Variants in FABP12 observed in about 807,000 individuals in gnomAD.
FABP12 encodes fatty acid binding protein 12.
A neutral mutation model predicts 13.7 loss-of-function variants in FABP12; 19 were observed. The observed-to-expected ratio is 1.39, with a 90% CI of 0.97 to 2.04. The LOEUF is 2.04. Ranked by LOEUF, FABP12 falls within the 30% of genes most tolerant of loss-of-function variation. The probability of loss-of-function intolerance (pLI) is 0.00; values close to 1 mark genes in which losing one functional copy is unlikely to be tolerated. For missense variants in FABP12, 182 were observed against 164.2 expected, an observed-to-expected ratio of 1.11 and a Z score of -0.59; for synonymous variants, 61 against 57.0, an observed-to-expected ratio of 1.07 and a Z score of -0.32.
chr8:81,547,260 G>A (rs1465047216), intron 1 of FABP12, among the ~76,000 whole-genome samples: 1 of 152,170 alleles, frequency 6.6e-6, no homozygotes, highest in East Asian at 1.9e-4. Flanking sequence ...CGGCAAATGT[G>A]GAGTTCACAC....
upstream of FABP12, among the ~76,000 whole-genome samples, chr8:81,537,156 G>A (rs570232398): frequency 5.3e-5 from 8 of 152,214 alleles, no homozygotes; most frequent in South Asian, 6.2e-4. Context: ...GCCAAACTCC[G>A]GCATTTATAA....
At position 81,527,069 on chromosome 8, in the gene FABP12, C is replaced by T. The variant is rs766991525; in HGVS notation, c.299G>A (p.Gly100Asp). Residue 100 changes from glycine (G) to aspartate (D), a missense_variant, in exon 4 of 5, where the codon GGC becomes GAC. Transcript: ENST00000360464. ...CTTTCTCGTTATGGTGGTTTCTTTG[C>T]CATCCCAGTCCTGAACTTGAATCAG... 1.9e-6 allele frequency: 3 copies of T among 1,612,132 alleles called. No homozygotes were observed. The South Asian group carries it at 3.3e-5, about 18-fold the overall frequency.
intron 1 of FABP12, among the ~76,000 whole-genome samples, chr8:81,551,898 A>C (rs1037872635): frequency 2.6e-5 from 4 of 152,062 alleles, no homozygotes; most frequent in Non-Finnish European, 4.4e-5. Flanking sequence ...TTCATGTATT[A>C]ATCATTCAAT....
At chr8:81,566,246 G>T in intron 1 of FABP12, among the ~76,000 whole-genome samples, 1 of 151,896 alleles carries the variant, frequency 6.6e-6, no homozygotes, top group Non-Finnish European at 1.5e-5. Context: ...ATTTAAAGAA[G>T]AACTAATACC....
At chr8:81,530,984 T>C (rs1241166822) in intron 2 of FABP12, among the ~76,000 whole-genome samples, 1 of 152,216 alleles carries the variant, frequency 6.6e-6, no homozygotes. Context: ...ATAGTTGTAT[T>C]TTTTTGTTTT....
At chr8:81,574,578 T>C (rs1809999029) in intron 1 of FABP12, among the ~76,000 whole-genome samples, 1 of 152,074 alleles carries the variant, frequency 6.6e-6, no homozygotes, top group Admixed American at 6.6e-5. Flanking sequence ...AATCATCTGG[T>C]CCTGGATTTT....
At chr8:81,568,187 C>A (rs950290455) in intron 1 of FABP12, among the ~76,000 whole-genome samples, 24 of 151,176 alleles carry the variant, frequency 1.6e-4, no homozygotes, top group Non-Finnish European at 3.5e-4. Flanking sequence ...AGTGAAGAGG[C>A]AACCCACACA....
At chr8:81,534,111 T>A (rs1025219685), upstream of FABP12, among the ~76,000 whole-genome samples, 1 of 151,774 alleles carries the variant, frequency 6.6e-6, no homozygotes, top group African/African-American at 2.4e-5. Context: ...ATACACACAC[T>A]CTCTCTCTCA....
chr8:81,533,578 C>G (rs1353852000), intron 1 of FABP12, among the ~76,000 whole-genome samples: 1 of 152,118 alleles, frequency 6.6e-6, no homozygotes, highest in African/African-American at 2.4e-5. Context: ...CTTACCAGTT[C>G]CTCAAGTCCC....
At chr8:81,560,119 A>G (rs1809697005) in intron 1 of FABP12, among the ~76,000 whole-genome samples, 1 of 152,188 alleles carries the variant, frequency 6.6e-6, no homozygotes, top group South Asian at 2.1e-4. Context: ...CCTCAGCTAT[A>G]TTTACATATG....
intron 1 of FABP12, among the ~76,000 whole-genome samples, chr8:81,555,843 G>A (rs940671010): frequency 1.3e-5 from 2 of 152,086 alleles, no homozygotes; most frequent in African/African-American, 4.8e-5. Context: ...AGAGAAGAAG[G>A]TTAACTCAAG....
At chr8:81,589,325 G>A (rs78189939) in intron 1 of FABP12, among the ~76,000 whole-genome samples, 1 of 152,080 alleles carries the variant, frequency 6.6e-6, no homozygotes, top group Non-Finnish European at 1.5e-5. Flanking sequence ...GGGAGGCCAA[G>A]GATTAAGGAC....
chr8:81,527,519 C>T (rs531838926), intron 3 of FABP12, among the ~76,000 whole-genome samples: 5 of 152,154 alleles, frequency 3.3e-5, no homozygotes, highest in African/African-American at 4.8e-5. Context: ...CATACCACCA[C>T]GCCCAGCTAA....
chr8:81,542,443 G>T (rs1273093661), intron 1 of FABP12, among the ~76,000 whole-genome samples: 1 of 152,130 alleles, frequency 6.6e-6, no homozygotes, highest in African/African-American at 2.4e-5. Flanking sequence ...GGAACAGGAA[G>T]ACCAGCAGTC....
In FABP12 at chr8:81,555,827, G is replaced by A. The variant is rs576953888; in HGVS notation, c.-184-16084C>T. 1.6e-3 allele frequency among the ~76,000 whole-genome samples: 240 copies of A among 152,184 alleles called. 1 individual carries two copies. The highest frequency in any genetic ancestry group is 6.8e-3 in the Middle Eastern group (2 of 294). On this transcript the variant is annotated intron_variant, in intron 1 of 5. Transcript: ENST00000692030. ...TCAGGAAAATAATTTTATACCTAGAGACACTAGAGAAGAAGGTTAACTCAA... is the reference window on the plus strand; with the variant it reads ...TCAGGAAAATAATTTTATACCTAGAAACACTAGAGAAGAAGGTTAACTCAA...
chr8:81,559,830 T>A (rs894387516), intron 1 of FABP12, among the ~76,000 whole-genome samples: 71 of 152,188 alleles, frequency 4.7e-4, no homozygotes, highest in African/African-American at 1.7e-3. Flanking sequence ...GATGAAGTGA[T>A]CAACCTCTAG....
At chr8:81,574,704 C>A (rs912484470) in intron 1 of FABP12, among the ~76,000 whole-genome samples, 1 of 152,040 alleles carries the variant, frequency 6.6e-6, no homozygotes, top group Non-Finnish European at 1.5e-5. Flanking sequence ...AGGAATTTAT[C>A]CATCTCTTCT....
chr8:81,536,586 G>A (rs1225698618), upstream of FABP12, among the ~76,000 whole-genome samples: 1 of 152,180 alleles, frequency 6.6e-6, no homozygotes, highest in East Asian at 1.9e-4. Flanking sequence ...AAGATCCCTA[G>A]GATAGGTCTT....
chr8:81,526,892 T>A lies in FABP12; in HGVS notation c.348+128A>T, dbSNP rs1184994842. The A allele has an allele frequency of 8.0e-5, 48 of 597,288 alleles. No homozygotes were observed. The East Asian group carries it at 1.3e-3, about 17-fold the overall frequency. 37.0% of individuals were successfully genotyped at this position (597,288 alleles called of 1,614,324 possible). On this transcript the variant is annotated intron_variant, in intron 4 of 4. Coordinates refer to ENST00000360464, the Ensembl canonical transcript of FABP12. ...TTACGATTATACATTTATCTCATAA[T>A]TTTTTTCTCATTCTTTAAACTATGA... is the stretch of plus-strand genomic sequence containing the variant.
Sources: allele counts gnomAD v4.1 joint callset (sites outside exome capture counted in the v4.1 genomes callset), GRCh38; gene constraint gnomAD v4.1.1; transcripts MANE v1.5; gene names NCBI Gene and HGNC (gene_info 2026-07-23, HGNC 2026-07-21).